The following ETS1 variants were observed in gnomAD, a reference collection of about 807,000 sequenced individuals.
The protein encoded by ETS1 is ETS proto-oncogene 1, transcription factor, also known as protein C-ets-1.
A neutral mutation model predicts 58.6 loss-of-function variants in ETS1; 15 were observed. The ratio of observed to expected loss-of-function variants is 0.26; its 90% CI spans 0.17 to 0.39. The LOEUF (loss-of-function observed/expected upper bound fraction) is 0.39. Among genes scored for constraint, ETS1 ranks in the 10% least tolerant of loss-of-function variants. The pLI is 1.00. For synonymous variants in ETS1, 214 were observed against 218.2 expected, an observed-to-expected ratio of 0.98 and a Z score of 0.17; for missense variants, 417 against 610.5, an observed-to-expected ratio of 0.68 and a Z score of 3.34.
In ETS1 at chr11:128,566,967, G is replaced by A. The variant is rs144675782; in HGVS notation, c.69+6095C>T. 3.3e-3 allele frequency among the ~76,000 whole-genome samples: 502 copies of A among 152,276 alleles called. 2 individuals are homozygous for A. Among genetic ancestry groups the A allele is most frequent in the African/African-American group, 0.011 (475 of 41,550 alleles). The stretch of plus-strand genomic sequence containing the variant: ...GACAGTGTAAGGTGCGTTGGCTTCT[G>A]CCTCACCAGAGGGCCTGAAGGTGGA... On this transcript the variant is annotated intron_variant, in intron 2 of 9. Coordinates refer to ENST00000392668, the MANE Select transcript of ETS1 (RefSeq NM_001143820.2).
rs10707155 is a variant in ETS1 at position 128,481,424 on chromosome 11, CAA to C, written c.863-975_863-974del. On this transcript the variant is annotated intron_variant, in intron 7 of 9. Transcript: ENST00000392668. ...AAAATGCCACTAAAAAGGAGGCTAG[CAA>C]AAAAAAAAAAAAAATAGTTTTGGAG... Among the ~76,000 whole-genome samples, 883 of 134,072 alleles carry C rather than the reference CAA, an allele frequency of 6.6e-3. 6 individuals are homozygous for C. Among genetic ancestry groups the C allele is most frequent in the African/African-American group, 0.014 (501 of 36,692 alleles). The allele number at this position is 134,072 out of a possible 152,430, so 88.0% of individuals were successfully genotyped here. A position where few individuals can be genotyped will look rare whatever the true frequency, so the allele number is the denominator to read the frequency against.
intron 1 of ETS1, among the ~76,000 whole-genome samples, chr11:128,584,799 A>G (rs1276452244): frequency 6.6e-6 from 1 of 151,470 alleles, no homozygotes; most frequent in Non-Finnish European, 1.5e-5. Context: ...TACCACATTA[A>G]TTTTGCTCAA....
chr11:128,489,219 G>A (rs1862727140), intron 5 of ETS1, 71 bp downstream of exon 5: 2 of 1,334,824 alleles, frequency 1.5e-6, no homozygotes, highest in Non-Finnish European at 2.2e-6. Context: ...TCCCACCATT[G>A]GGTGAGCCCC....
intron 3 of ETS1, among the ~76,000 whole-genome samples, chr11:128,528,644 A>G (rs934527805): frequency 2.6e-5 from 4 of 152,226 alleles, no homozygotes; most frequent in African/African-American, 9.6e-5. Flanking sequence ...TATTTAATTA[A>G]TGAACAGTTA....
intron 3 of ETS1, among the ~76,000 whole-genome samples, chr11:128,550,034 C>T (rs1318065409): frequency 1.3e-5 from 2 of 152,230 alleles, no homozygotes; most frequent in African/African-American, 2.4e-5. Context: ...CGATAGGCCA[C>T]GACCTTTTAA....
At chr11:128,482,841 C>T (rs900061845) in intron 7 of ETS1, among the ~76,000 whole-genome samples, 1 of 152,202 alleles carries the variant, frequency 6.6e-6, no homozygotes, top group African/African-American at 2.4e-5. Context: ...GTCCACCAAA[C>T]AGACCTCAGA....
At chr11:128,490,652 T>C in intron 3 of ETS1, 76 bp from the exon 4 acceptor site, 1 of 1,180,324 alleles carries the variant, frequency 8.5e-7, no homozygotes, top group East Asian at 2.4e-5. Flanking sequence ...ACAAATGGGC[T>C]GTAAGAAGGC....
chr11:128,479,376 A>C (rs1335965148), intron 8 of ETS1, among the ~76,000 whole-genome samples: 1 of 152,248 alleles, frequency 6.6e-6, no homozygotes, highest in Non-Finnish European at 1.5e-5. Flanking sequence ...TAATTTTTAG[A>C]AAACACTACA....
At chr11:128,475,246 C>T in intron 8 of ETS1, among the ~76,000 whole-genome samples, 1 of 152,254 alleles carries the variant, frequency 6.6e-6, no homozygotes, top group Admixed American at 6.5e-5. Flanking sequence ...GCAATCGAGC[C>T]TTCCTTCAGA....
At chr11:128,468,400 T>A (rs933173728) in intron 8 of ETS1, among the ~76,000 whole-genome samples, 2 of 152,186 alleles carry the variant, frequency 1.3e-5, no homozygotes, top group Non-Finnish European at 2.9e-5. Flanking sequence ...GGACAAGGTG[T>A]TAGTAACATG....
At chr11:128,468,657 T>TGGGCAGGCACCTTCCC in intron 8 of ETS1, among the ~76,000 whole-genome samples, 1 of 152,288 alleles carries the variant, frequency 6.6e-6, no homozygotes, top group Non-Finnish European at 1.5e-5. Flanking sequence ...AGGTCAACGC[T>TGGGCAGGCACCTTCCC]GGGCAGGCAC....
At chr11:128,472,223 C>T (rs1036785032) in intron 8 of ETS1, among the ~76,000 whole-genome samples, 3 of 152,228 alleles carry the variant, frequency 2.0e-5, no homozygotes, top group Non-Finnish European at 2.9e-5. Context: ...TCCACCGCCT[C>T]AGCTCTGAAT....
chr11:128,484,590 T>C (rs558615450), intron 7 of ETS1, among the ~76,000 whole-genome samples: 10 of 152,332 alleles, frequency 6.6e-5, no homozygotes, highest in Middle Eastern at 3.4e-3. Context: ...ATTTCTTAGA[T>C]TGCCTGATTT....
At chr11:128,469,274 T>G (rs1407371387) in intron 8 of ETS1, among the ~76,000 whole-genome samples, 1 of 152,254 alleles carries the variant, frequency 6.6e-6, no homozygotes, top group Non-Finnish European at 1.5e-5. Context: ...CTCTCATGGT[T>G]GGTCACCCTT....
At chr11:128,515,737 T>C (rs563313773) in intron 3 of ETS1, among the ~76,000 whole-genome samples, 122 of 152,346 alleles carry the variant, frequency 8.0e-4, no homozygotes, top group Non-Finnish European at 1.5e-3. Context: ...TACACCATTA[T>C]GATCTGAAGT....
chr11:128,558,616 A>G (rs1306619724), intron 2 of ETS1, among the ~76,000 whole-genome samples: 1 of 139,484 alleles, frequency 7.2e-6, no homozygotes, highest in Non-Finnish European at 1.5e-5. Context: ...GTGCCACTGC[A>G]CTCCAGCCTG....
intron 2 of ETS1, among the ~76,000 whole-genome samples, chr11:128,567,646 G>GTTTTTGT (rs1279355304): frequency 6.6e-6 from 1 of 150,568 alleles, no homozygotes; most frequent in Non-Finnish European, 1.5e-5. Context: ...TTTTGTTTTT[G>GTTTTTGT]TTTTGAGACA....
intron 3 of ETS1, among the ~76,000 whole-genome samples, chr11:128,533,130 A>G (rs1048426241): frequency 6.6e-6 from 1 of 152,204 alleles, no homozygotes; most frequent in African/African-American, 2.4e-5. Flanking sequence ...ATATCCATCC[A>G]AAGCCCAGAC....
chr11:128,543,781 CCTT>C (rs1229142561), intron 3 of ETS1, among the ~76,000 whole-genome samples: 1 of 152,196 alleles, frequency 6.6e-6, no homozygotes, highest in East Asian at 1.9e-4. Context: ...TACTCATACT[CCTT>C]CTGAAATATC....
Sources: allele counts gnomAD v4.1 joint callset (sites outside exome capture counted in the v4.1 genomes callset), GRCh38; gene constraint gnomAD v4.1.1; transcripts MANE v1.5; gene names NCBI Gene and HGNC (gene_info 2026-07-23, HGNC 2026-07-21).